Variants in THSD7A observed in about 807,000 individuals in gnomAD.
THSD7A encodes the protein thrombospondin type 1 domain containing 7A, also known as thrombospondin type-1 domain-containing protein 7A.
In THSD7A, 96 loss-of-function variants were observed where a neutral mutation model predicts 231.3. The observed-to-expected ratio is 0.41, with a 90% CI of 0.35 to 0.49. The LOEUF (loss-of-function observed/expected upper bound fraction) is 0.49. Ranked by LOEUF, THSD7A falls within the 20% of genes least tolerant of loss-of-function variation. The pLI, the probability that THSD7A is intolerant of heterozygous loss-of-function variation, is 0.05. For synonymous variants in THSD7A, 940 were observed against 743.3 expected (o/e 1.26, Z -4.30); for missense variants, 2,290 against 2,070.2 (o/e 1.11, Z -2.06).
At chr7:11,557,818 G>C (rs994755433) in intron 4 of THSD7A, among the ~76,000 whole-genome samples, 4 of 152,124 alleles carry the variant, frequency 2.6e-5, no homozygotes, top group African/African-American at 7.2e-5. Flanking sequence ...AGCAGTGATG[G>C]AAGTGTCAGT....
At chr7:11,559,565 T>C (rs928705921) in intron 4 of THSD7A, among the ~76,000 whole-genome samples, 1 of 151,458 alleles carries the variant, frequency 6.6e-6, no homozygotes, top group African/African-American at 2.4e-5. Context: ...TAAGGATGTA[T>C]GACTTGTGAA....
chr7:11,757,841 C>T (rs1046422729), intron 1 of THSD7A, among the ~76,000 whole-genome samples: 1 of 151,320 alleles, frequency 6.6e-6, no homozygotes, highest in Non-Finnish European at 1.5e-5. Context: ...AAAGGCTAGT[C>T]AAGTGTTAAT....
intron 1 of THSD7A, among the ~76,000 whole-genome samples, chr7:11,706,467 C>CT (rs1780769170): frequency 6.6e-6 from 1 of 150,672 alleles, no homozygotes; most frequent in African/African-American, 2.4e-5. Context: ...GGTTTGGCAG[C>CT]TACACAATCT....
chr7:11,658,277 A>C (rs1782784647), intron 1 of THSD7A, among the ~76,000 whole-genome samples: 1 of 151,790 alleles, frequency 6.6e-6, no homozygotes, highest in Non-Finnish European at 1.5e-5. Flanking sequence ...AAACTTTAAC[A>C]TGATTTTCCT....
chr7:11,588,222 T>C (rs960908022), intron 4 of THSD7A, among the ~76,000 whole-genome samples: 5 of 152,192 alleles, frequency 3.3e-5, no homozygotes, highest in African/African-American at 4.8e-5. Context: ...CACATATTTA[T>C]AGACTTCGCA....
At chr7:11,653,331 A>G (rs75852273) in intron 1 of THSD7A, among the ~76,000 whole-genome samples, 15,351 of 151,644 alleles carry the variant, frequency 0.1, 977 homozygotes, top group Non-Finnish European at 0.15. Context: ...TTCTAGCTCA[A>G]GTTGTTTGAC....
At chr7:11,721,671 T>G (rs1047509966) in intron 1 of THSD7A, among the ~76,000 whole-genome samples, 19 of 151,936 alleles carry the variant, frequency 1.3e-4, no homozygotes, top group African/African-American at 4.6e-4. Flanking sequence ...AACTCTTTCT[T>G]ACACCTAGTA....
intron 23 of THSD7A, among the ~76,000 whole-genome samples, chr7:11,390,688 T>G (rs1782946297): frequency 6.6e-6 from 1 of 152,212 alleles, no homozygotes; most frequent in South Asian, 2.1e-4. Flanking sequence ...TTTTTGAAAT[T>G]TTCAGCCCTT....
At chr7:11,820,755 T>C in intron 1 of THSD7A, 1 of 1,213,998 alleles carries the variant, frequency 8.2e-7, no homozygotes, top group Non-Finnish European at 1.2e-6. Context: ...TCTTCTGCTT[T>C]GTAGGAGTGA....
At chr7:11,739,011 G>T (rs1248465779) in intron 1 of THSD7A, among the ~76,000 whole-genome samples, 2 of 151,988 alleles carry the variant, frequency 1.3e-5, no homozygotes, top group Non-Finnish European at 2.9e-5. Context: ...GACGTTTAGA[G>T]GAATCATAAA....
intron 13 of THSD7A, among the ~76,000 whole-genome samples, chr7:11,439,333 T>A (rs1784730315): frequency 6.6e-6 from 1 of 152,072 alleles, no homozygotes; most frequent in African/African-American, 2.4e-5. Context: ...TGAAGGTTTA[T>A]GACAATCTTG....
chr7:11,676,637 G>C (rs577634435), intron 1 of THSD7A, among the ~76,000 whole-genome samples: 12 of 152,084 alleles, frequency 7.9e-5, no homozygotes, highest in Non-Finnish European at 1.5e-4. Context: ...AGTATCAATA[G>C]CTGATTCAAT....
intron 1 of THSD7A, among the ~76,000 whole-genome samples, chr7:11,648,423 T>C (rs1387732907): frequency 6.6e-6 from 1 of 152,042 alleles, no homozygotes; most frequent in Non-Finnish European, 1.5e-5. Flanking sequence ...GCAATGTGTT[T>C]ATGTAATTTA....
Position 11,593,465 on chromosome 7 carries a change from A to C in THSD7A, c.1060T>G (p.Ser354Ala). 6.2e-7 allele frequency: 1 copy of C among 1,613,992 alleles called. No individual in the cohort carries two copies. Among genetic ancestry groups the C allele is most frequent in the Non-Finnish European group, 8.5e-7 (1 of 1,179,882 alleles). ...QQEKLPMTFQ[S>A]CVITKECQVS... ...TGGCACTCTTTGGTGATCACACAGG[A>C]CTGGAAGGTCATTGGAAGCTTCTCT... is the stretch of plus-strand genomic sequence containing the variant. The change falls in exon 3 of 28, where the codon TCC becomes GCC. Residue 354 changes from serine (S) to alanine (A), a missense_variant. Transcript: ENST00000423059.
At chr7:11,496,073 T>C (rs563194408) in intron 6 of THSD7A, among the ~76,000 whole-genome samples, 11 of 152,302 alleles carry the variant, frequency 7.2e-5, no homozygotes, top group African/African-American at 2.6e-4. Flanking sequence ...GTGACTATAA[T>C]GTTCCTGAAT....
intron 7 of THSD7A, 71 bp downstream of exon 7, chr7:11,481,717 C>G: frequency 7.1e-7 from 1 of 1,414,780 alleles, no homozygotes; most frequent in Non-Finnish European, 9.5e-7. Context: ...TCATCTTTTC[C>G]AGGCTACACA....
At chr7:11,589,857 C>G (rs1780082351) in intron 4 of THSD7A, among the ~76,000 whole-genome samples, 1 of 151,972 alleles carries the variant, frequency 6.6e-6, no homozygotes, top group African/African-American at 2.4e-5. Context: ...ATTTTGTATT[C>G]ACTTATTCTT....
chr7:11,439,679 G>T (rs1468982294), intron 13 of THSD7A, among the ~76,000 whole-genome samples: 1 of 151,974 alleles, frequency 6.6e-6, no homozygotes, highest in Non-Finnish European at 1.5e-5. Flanking sequence ...TTAAACCAAA[G>T]CCTAATTGAG....
intron 1 of THSD7A, among the ~76,000 whole-genome samples, chr7:11,761,655 G>A (rs1315669591): frequency 6.6e-6 from 1 of 152,094 alleles, no homozygotes; most frequent in African/African-American, 2.4e-5. Flanking sequence ...CCTTCCAAGT[G>A]ACTTGCAAAT....
Sources: allele counts gnomAD v4.1 joint callset (sites outside exome capture counted in the v4.1 genomes callset), GRCh38; gene constraint gnomAD v4.1.1; transcripts MANE v1.5; gene names NCBI Gene and HGNC (gene_info 2026-07-23, HGNC 2026-07-21).